The following TTC13 variants were observed in gnomAD, a reference collection of about 807,000 sequenced individuals.
The protein encoded by TTC13 is tetratricopeptide repeat protein 13.
In TTC13, 62 loss-of-function variants were observed where a neutral mutation model predicts 120.0. The observed-to-expected ratio is 0.52, with a 90% CI of 0.42 to 0.64. TTC13 has a LOEUF of 0.64. TTC13 is among the 30% of genes least tolerant of loss of function. TTC13 has a pLI of 0.00. For synonymous variants in TTC13, 384 were observed against 393.5 expected, an observed-to-expected ratio of 0.98 and a Z score of 0.28; for missense variants, 824 against 1,050.2, an observed-to-expected ratio of 0.78 and a Z score of 2.98.
At chr1:230,969,823 C>T (rs891659350) in intron 1 of TTC13, among the ~76,000 whole-genome samples, 14 of 152,152 alleles carry the variant, frequency 9.2e-5, no homozygotes. Context: ...GGTATAAAGC[C>T]CTGTGCACAG....
chr1:230,949,161 A>G (rs373851843), intron 4 of TTC13, among the ~76,000 whole-genome samples: 17 of 151,956 alleles, frequency 1.1e-4, no homozygotes, highest in African/African-American at 4.1e-4. Context: ...GCAAAAACCA[A>G]CACAGAAGAC....
chr1:230,914,452 T>C (rs751795759), intron 18 of TTC13, among the ~76,000 whole-genome samples: 1 of 152,164 alleles, frequency 6.6e-6, no homozygotes, highest in Non-Finnish European at 1.5e-5. Flanking sequence ...TGGAGTGCAG[T>C]GGCATGATCT....
In TTC13 at chr1:230,906,750, A is replaced by G. The variant is rs1670968877; in HGVS notation, c.*155T>C. On this transcript the variant is annotated 3_prime_UTR_variant, in exon 23 of 23. Coordinates refer to ENST00000366661, the MANE Select transcript of TTC13 (RefSeq NM_024525.5). ...TCTTTCATGATTTTCATTATGGTTCAGAAAAGTAAAGAAAATGATTTCAAG... is the reference window on the plus strand; with the variant it reads ...TCTTTCATGATTTTCATTATGGTTCGGAAAAGTAAAGAAAATGATTTCAAG... 2.6e-6 allele frequency: 1 copy of G among 386,148 alleles called. No homozygotes were observed. Among genetic ancestry groups the G allele is most frequent in the Admixed American group, 4.5e-5 (1 of 22,302 alleles). 23.9% of individuals were successfully genotyped at this position (386,148 alleles called of 1,614,324 possible).
Position 230,961,298 on chromosome 1 carries a change from A to G in TTC13, c.277T>C (p.Ser93Pro), listed in dbSNP as rs775323861. Reference sequence around the variant, plus strand: ...TCTGAGTCATGGAAGTTCAAAAAGGATGACTCTGAAAGGCAAGCATTCTTT... The same window carrying G: ...TCTGAGTCATGGAAGTTCAAAAAGGGTGACTCTGAAAGGCAAGCATTCTTT... ...DQYSAECGES[S>P]FLNFHDSDCE... Residue 93 changes from serine (S) to proline (P), a missense_variant, in exon 2 of 23, where the codon TCC becomes CCC. Physicochemically the swap from Ser to Pro is moderately conservative, Grantham distance 74. Coordinates refer to ENST00000366661, the MANE Select transcript of TTC13 (RefSeq NM_024525.5). The G allele has an allele frequency of 6.2e-7, 1 of 1,612,314 alleles. No individual in the cohort carries two copies. The highest frequency in any genetic ancestry group is 2.2e-5 in the East Asian group (1 of 44,870).
At position 230,907,020 on chromosome 1, in the gene TTC13, C is replaced by A; in HGVS notation, c.2469-1G>T. 1.4e-6 allele frequency: 2 copies of A among 1,463,650 alleles called. No individual in the cohort carries two copies. The highest frequency in any genetic ancestry group is 1.8e-6 in the Non-Finnish European group (2 of 1,097,886). The allele number at this position is 1,463,650 out of a possible 1,614,324, so 90.7% of individuals were successfully genotyped here. A position where few individuals can be genotyped will look rare whatever the true frequency, so the allele number is the denominator to read the frequency against. Reference sequence around the variant, plus strand: ...AAGAGTCTTATAAGAAGGTGAAATACTGAAAAAGAAAAACACAAAGTAGCG... The same window carrying A: ...AAGAGTCTTATAAGAAGGTGAAATAATGAAAAAGAAAAACACAAAGTAGCG... On this transcript the variant is annotated splice_acceptor_variant, in intron 22 of 22. Coordinates refer to ENST00000366661, the MANE Select transcript of TTC13 (RefSeq NM_024525.5). LOFTEE classifies it high-confidence loss of function.
At chr1:230,945,917 A>G (rs1262546073) in intron 4 of TTC13, among the ~76,000 whole-genome samples, 4 of 152,348 alleles carry the variant, frequency 2.6e-5, no homozygotes, top group South Asian at 2.1e-4. Flanking sequence ...TGCCAACACA[A>G]TGACGAACTA....
intron 1 of TTC13, among the ~76,000 whole-genome samples, chr1:230,970,415 G>A (rs1457905333): frequency 6.6e-6 from 1 of 152,152 alleles, no homozygotes; most frequent in East Asian, 1.9e-4. Flanking sequence ...TTAGTTGCTT[G>A]TATTTTCAGG....
At chr1:230,920,808 G>A (rs1328876922) in intron 16 of TTC13, among the ~76,000 whole-genome samples, 1 of 152,232 alleles carries the variant, frequency 6.6e-6, no homozygotes, top group African/African-American at 2.4e-5. Flanking sequence ...AGCAGCAGAT[G>A]AGAATTAAGG....
At chr1:230,924,817 T>C (rs1317169956) in intron 14 of TTC13, 24 bp downstream of exon 14, 1 of 1,613,918 alleles carries the variant, frequency 6.2e-7, no homozygotes. Context: ...ACTTATAGTT[T>C]ATTTTCACTG....
At position 230,907,736 on chromosome 1, in the gene TTC13, G is replaced by A. The variant is rs577429515; in HGVS notation, c.2469-717C>T. 1.2e-4 allele frequency among the ~76,000 whole-genome samples: 18 copies of A among 152,336 alleles called. No individual in the cohort carries two copies. The East Asian group carries it at 2.9e-3, about 24-fold the overall frequency. On this transcript the variant is annotated intron_variant, in intron 22 of 22. Coordinates refer to ENST00000366661, the MANE Select transcript of TTC13 (RefSeq NM_024525.5). Reference sequence around the variant, plus strand: ...TTTTAAACAGAACATAAATTACCCAGCAATAGAGTGGTTGCTATGTCAAAT... The same window carrying A: ...TTTTAAACAGAACATAAATTACCCAACAATAGAGTGGTTGCTATGTCAAAT...
rs1035172488 is a variant in TTC13, at chr1:230,978,816, G to T, written c.15C>A (p.Gly5=). Reference sequence around the variant, plus strand: ...CCCAGAAGCAGCAGCAGCAGCAGCAGCCGGCAGGTGCCATCTTCCCTCAAG... The same window carrying T: ...CCCAGAAGCAGCAGCAGCAGCAGCATCCGGCAGGTGCCATCTTCCCTCAAG... The part of the protein sequence containing the change: MAPA[G]CCCCCCFWGG... Residue 5 remains glycine (G), a synonymous_variant, in exon 1 of 23, where the codon GGC becomes GGA. Transcript: ENST00000366661. This position sits in a 1 kb window ranked among gnomAD's most constrained non-coding sequence, Gnocchi z 5.6. 5 of 1,482,468 alleles carry T rather than the reference G, an allele frequency of 3.4e-6. No individual in the cohort carries two copies. Among genetic ancestry groups the T allele is most frequent in the Admixed American group, 4.8e-5 (2 of 41,334 alleles). 91.8% of individuals were successfully genotyped at this position (1,482,468 alleles called of 1,614,324 possible). A position where few individuals can be genotyped will look rare whatever the true frequency, so the allele number is the denominator to read the frequency against.
At chr1:230,932,520 G>C (rs1673650916) in intron 9 of TTC13, among the ~76,000 whole-genome samples, 2 of 152,104 alleles carry the variant, frequency 1.3e-5, no homozygotes, top group South Asian at 4.1e-4. Context: ...CTCAGGCGAT[G>C]CTCCCACTTG....
At chr1:230,964,025 G>A (rs1676895774) in intron 1 of TTC13, among the ~76,000 whole-genome samples, 1 of 152,154 alleles carries the variant, frequency 6.6e-6, no homozygotes, top group African/African-American at 2.4e-5. Context: ...CCTTTTCTAA[G>A]CTAAGATTTG....
Position 230,958,238 on chromosome 1 carries a change from G to C in TTC13, c.428C>G (p.Thr143Arg), listed in dbSNP as rs759248884. 6.2e-7 allele frequency: 1 copy of C among 1,610,708 alleles called. No homozygotes were observed. The highest frequency in any genetic ancestry group is 8.5e-7 in the Non-Finnish European group (1 of 1,179,452). Residue 143 changes from threonine to arginine, a missense_variant, in exon 3 of 23, where the codon ACA (threonine) becomes AGA (arginine). By Grantham distance (71) the Thr-to-Arg change is moderately conservative. Around this residue, in one of 4 missense-constraint regions of TTC13, gnomAD observed 430 missense variants for 626.8 expected, o/e 0.69. Coordinates refer to ENST00000366661, the MANE Select transcript of TTC13 (RefSeq NM_024525.5). The part of the protein sequence containing the change: ...RFPFATDNDS[T>R]NEELAIAYVL... ...TCAAGTCTTACCTAACTCTTCATTT[G>C]TGCTGTCATTATCAGTGGCAAACGG... is the stretch of plus-strand genomic sequence containing the variant.
intron 1 of TTC13, among the ~76,000 whole-genome samples, chr1:230,969,540 A>G (rs1677507979): frequency 1.3e-5 from 2 of 152,210 alleles, no homozygotes; most frequent in Admixed American, 6.5e-5. Context: ...GGCTTGCTAG[A>G]TAACTGTCTA....
intron 1 of TTC13, among the ~76,000 whole-genome samples, chr1:230,974,557 C>T (rs1204156658): frequency 6.6e-6 from 1 of 152,166 alleles, no homozygotes. Context: ...TACCATACAA[C>T]CAAGGTGTGT....
intron 4 of TTC13, 70 bp downstream of exon 4, chr1:230,954,263 A>G (rs1004145278): frequency 9.4e-7 from 1 of 1,063,380 alleles, no homozygotes; most frequent in South Asian, 1.4e-5. Context: ...ACAGCACTTC[A>G]GCTGTTCATT....
rs941967697 is a variant in TTC13 at position 230,940,110 on chromosome 1, T to A, written c.789+330A>T. Among the ~76,000 whole-genome samples the A allele has an allele frequency of 1.3e-5, 2 of 152,176 alleles. No individual in the cohort carries two copies. The highest frequency in any genetic ancestry group is 2.9e-5 in the Non-Finnish European group (2 of 68,032). On this transcript the variant is annotated intron_variant, in intron 7 of 22. Coordinates refer to ENST00000366661, the MANE Select transcript of TTC13 (RefSeq NM_024525.5). This position sits in a 1 kb window ranked among gnomAD's most constrained non-coding sequence, Gnocchi z 4.1. ...TGTACCGCTAAGTTTAATAATCACA[T>A]TGACAACATGCACACCTGCTTCCCT...
chr1:230,928,480 T>C (rs576496825), intron 12 of TTC13, among the ~76,000 whole-genome samples: 1 of 152,350 alleles, frequency 6.6e-6, no homozygotes, highest in South Asian at 2.1e-4. Context: ...CTATAATTTG[T>C]AGATCTTCTA....
Sources: gnomAD v4.1 joint callset for allele counts (sites outside exome capture counted in the v4.1 genomes callset) on GRCh38, gnomAD v4.1.1 for gene constraint, gnomAD v4.1.1 regional missense constraint, Gnocchi (gnomAD v3.1) non-coding constraint, MANE v1.5 for transcripts, NCBI Gene and HGNC (gene_info 2026-07-23, HGNC 2026-07-21) for gene names.